Variants in GTF2A1L observed in about 807,000 individuals in gnomAD.
The protein encoded by GTF2A1L is TFIIA-alpha and beta-like factor.
Under a neutral mutation model 49.7 loss-of-function variants are expected in GTF2A1L, and 48 were observed. The ratio of observed to expected loss-of-function variants is 0.97; its 90% CI spans 0.77 to 1.23. The LOEUF (loss-of-function observed/expected upper bound fraction) is 1.23, where lower values mean the gene tolerates loss of function less well. Ranked by LOEUF, GTF2A1L falls within the 50% of genes most tolerant of loss-of-function variation. The pLI is 0.00. For missense variants in GTF2A1L, 736 were observed against 564.8 expected (o/e 1.30, Z -3.07); for synonymous variants, 246 against 193.5 (o/e 1.27, Z -2.25).
At chr2:48,677,972 G>C (rs1679563600) in intron 8 of GTF2A1L, among the ~76,000 whole-genome samples, 1 of 99,820 alleles carries the variant, frequency 1.0e-5, no homozygotes, top group African/African-American at 3.4e-5. Flanking sequence ...TGTAAACTCT[G>C]AGATGGGTGT....
chr2:48,677,330 G>A (rs1230671544), intron 8 of GTF2A1L, among the ~76,000 whole-genome samples: 3 of 151,912 alleles, frequency 2.0e-5, no homozygotes, highest in African/African-American at 7.2e-5. Flanking sequence ...TTTAGATGGA[G>A]TGTCTAGGGG....
chr2:48,651,765 T>C (rs528747663), intron 6 of GTF2A1L, among the ~76,000 whole-genome samples: 1 of 152,348 alleles, frequency 6.6e-6, no homozygotes, highest in South Asian at 2.1e-4. Flanking sequence ...TTTTTCTGGC[T>C]TTTCAAAGGA....
chr2:48,619,758 G>A (rs77941990), intron 1 of GTF2A1L, among the ~76,000 whole-genome samples: 2,538 of 152,260 alleles, frequency 0.017, 70 homozygotes, highest in African/African-American at 0.058. Flanking sequence ...AGTTTATATA[G>A]ATATGAAGGG....
rs1464405802 is a variant in GTF2A1L at position 48,646,915 on chromosome 2, A to T, written c.851A>T (p.His284Leu). The T allele has an allele frequency of 1.9e-6, 3 of 1,614,178 alleles. No homozygotes were observed. Among genetic ancestry groups the T allele is most frequent in the East Asian group, 2.2e-5 (1 of 44,892 alleles). ...GATGAGTCCCTCTCCACAAGCCCTCATGGGGCTCTCCACCAGCACGTGACT... is the reference window on the plus strand; with the variant it reads ...GATGAGTCCCTCTCCACAAGCCCTCTTGGGGCTCTCCACCAGCACGTGACT... ...LHDESLSTSP[H>L]GALHQHVTDI... The change falls in exon 6 of 9, where the codon CAT becomes CTT. Residue 284 changes from histidine to leucine, a missense_variant. Physicochemically the swap from His to Leu is moderately conservative, Grantham distance 99 (BLOSUM62 -3). Transcript: ENST00000403751.
At position 48,676,170 on chromosome 2, in the gene GTF2A1L, T is replaced by G. The variant is rs556860108; in HGVS notation, c.1330-3165T>G. On this transcript the variant is annotated intron_variant, in intron 8 of 8. Coordinates refer to ENST00000403751, the MANE Select transcript of GTF2A1L (RefSeq NM_006872.5). ...TTCTTTAAACAACGTATCTGTCAGA[T>G]CTTCCCATATGAGGAGGCTTTCTTT... Among the ~76,000 whole-genome samples the G allele has an allele frequency of 2.0e-5, 3 of 152,052 alleles. No homozygotes were observed. In the East Asian group the frequency reaches 5.8e-4, roughly 29 times the overall value.
chr2:48,651,913 T>G (rs1183649989), intron 6 of GTF2A1L, among the ~76,000 whole-genome samples: 1 of 152,162 alleles, frequency 6.6e-6, no homozygotes, highest in Non-Finnish European at 1.5e-5. Context: ...TATGAAAGAC[T>G]TAAATCTTTG....
chr2:48,654,087 T>C (rs961559259), intron 6 of GTF2A1L, among the ~76,000 whole-genome samples: 15 of 152,164 alleles, frequency 9.9e-5, no homozygotes, highest in African/African-American at 3.6e-4. Flanking sequence ...CAGCAATGTA[T>C]GGTGGAATTT....
At chr2:48,637,431 A>C (rs750839113) in intron 3 of GTF2A1L, among the ~76,000 whole-genome samples, 7 of 152,198 alleles carry the variant, frequency 4.6e-5, no homozygotes, top group Non-Finnish European at 8.8e-5. Context: ...TCTAATGAGA[A>C]CAAAGATACA....
At chr2:48,646,032 TTGGATAGCATTGTCTTGCTATA>T (rs1479850081) in intron 5 of GTF2A1L, among the ~76,000 whole-genome samples, 1 of 152,078 alleles carries the variant, frequency 6.6e-6, no homozygotes, top group African/African-American at 2.4e-5. Context: ...AAACTCTCTT[TTGGATAGCATTGTCTTGCTATA>T]TGGCATTTTA....
intron 6 of GTF2A1L, among the ~76,000 whole-genome samples, chr2:48,667,779 T>C (rs1322792135): frequency 6.6e-6 from 1 of 152,214 alleles, no homozygotes; most frequent in African/African-American, 2.4e-5. Context: ...AATATTCATA[T>C]GGGTTTGAAT....
chr2:48,661,193 A>C (rs1383861937), intron 6 of GTF2A1L, among the ~76,000 whole-genome samples: 1 of 150,116 alleles, frequency 6.7e-6, no homozygotes, highest in African/African-American at 2.5e-5. Flanking sequence ...TTGCTCTTTT[A>C]AAATGTAAGC....
At chr2:48,660,244 T>A (rs540057578) in intron 6 of GTF2A1L, among the ~76,000 whole-genome samples, 1 of 152,334 alleles carries the variant, frequency 6.6e-6, no homozygotes, top group South Asian at 2.1e-4. Context: ...TGGTCTGTAA[T>A]TTTTATGTTT....
intron 6 of GTF2A1L, among the ~76,000 whole-genome samples, chr2:48,648,500 T>G (rs931858022): frequency 1.3e-5 from 2 of 152,076 alleles, no homozygotes; most frequent in African/African-American, 4.8e-5. Context: ...GGGATATTAA[T>G]CAAGGATTGA....
At chr2:48,625,393 T>A (rs532875190) in intron 3 of GTF2A1L, among the ~76,000 whole-genome samples, 2 of 144,316 alleles carry the variant, frequency 1.4e-5, no homozygotes, top group East Asian at 3.9e-4. Context: ...CCTTTGCCAA[T>A]TTTTGAAAAG....
At chr2:48,626,780 C>G (rs755359822) in intron 3 of GTF2A1L, among the ~76,000 whole-genome samples, 1 of 144,214 alleles carries the variant, frequency 6.9e-6, no homozygotes. Flanking sequence ...CTCCATACTG[C>G]CCAGGCTGGT....
At chr2:48,678,704 G>A (rs182075709) in intron 8 of GTF2A1L, among the ~76,000 whole-genome samples, 20 of 152,152 alleles carry the variant, frequency 1.3e-4, no homozygotes. Context: ...ATTATAAGCT[G>A]TATATTCTGA....
At chr2:48,670,423 A>G (rs1679105499) in intron 7 of GTF2A1L, among the ~76,000 whole-genome samples, 1 of 152,184 alleles carries the variant, frequency 6.6e-6, no homozygotes, top group East Asian at 1.9e-4. Context: ...TAAACTTTTA[A>G]TCTTCAACTG....
At chr2:48,677,978 G>T (rs1396720393) in intron 8 of GTF2A1L, among the ~76,000 whole-genome samples, 1 of 147,924 alleles carries the variant, frequency 6.8e-6, no homozygotes, top group African/African-American at 2.5e-5. Context: ...CTCTGAGATG[G>T]GTGTGTGTGT....
rs1297118533 is a variant in GTF2A1L at position 48,679,345 on chromosome 2, G to C, written c.1340G>C (p.Ser447Thr). Residue 447 changes from serine (S) to threonine (T), a missense_variant, in exon 9 of 9, where the codon AGC (serine) becomes ACC (threonine). By Grantham distance (58) the Ser-to-Thr change is moderately conservative. Coordinates refer to ENST00000403751, the MANE Select transcript of GTF2A1L (RefSeq NM_006872.5). ...IVCQYDKIHR[S>T]KNKWKFYLKD... ...CTTTTCTCCCTCCAGATTCATCGAA[G>C]CAAGAACAAATGGAAATTCTATTTG... 4 of 1,609,092 alleles carry C rather than the reference G, an allele frequency of 2.5e-6. No homozygotes were observed. The highest frequency in any genetic ancestry group is 3.4e-6 in the Non-Finnish European group (4 of 1,178,334).
Sources: allele counts gnomAD v4.1 joint callset (sites outside exome capture counted in the v4.1 genomes callset), GRCh38; gene constraint gnomAD v4.1.1; transcripts MANE v1.5; gene names NCBI Gene and HGNC (gene_info 2026-07-23, HGNC 2026-07-21).